CORO2A: variants seen among roughly 807,000 people sequenced by gnomAD.
CORO2A encodes coronin 2A.
CORO2A carries 47 observed loss-of-function variants against 62.4 expected under a neutral mutation model. The observed-to-expected ratio is 0.75, with a 90% CI of 0.60 to 0.96. The LOEUF is 0.96. Among genes scored for constraint, CORO2A ranks in the 40% least tolerant of loss-of-function variants. CORO2A has a pLI of 0.00. For missense variants in CORO2A, 610 were observed against 684.1 expected (o/e 0.89, Z 1.21); for synonymous variants, 273 against 268.9 (o/e 1.02, Z -0.15).
rs1827504928 is a variant in CORO2A, at chr9:98,137,631, C to T, written c.259G>A (p.Asp87Asn). ...TCATCAAAAGGGTTCCACTTGACAT[C>T]CAAAACGTTGCCTCTGTGCCCGCAG... ...KVCGHRGNVL[D>N]VKWNPFDDFE... The change falls in exon 3 of 12, where the codon GAT becomes AAT. Residue 87 changes from aspartate (D) to asparagine (N), a missense_variant. Physicochemically the swap from Asp to Asn is conservative, Grantham distance 23. Coordinates refer to ENST00000375077, the MANE Select transcript of CORO2A (RefSeq NM_052820.4). 1 of 1,614,126 alleles carries T rather than the reference C, an allele frequency of 6.2e-7. No homozygotes were observed. Among genetic ancestry groups the T allele is most frequent in the African/African-American group, 1.3e-5 (1 of 74,940 alleles).
rs549955792 is a variant in CORO2A, at chr9:98,130,906, C to T, written c.870+49G>A. On this transcript the variant is annotated intron_variant, in intron 7 of 11. Transcript: ENST00000375077. Reference sequence around the variant, plus strand: ...CCAATGGCCCCAGGCTGCTGTCTGCCGCTGTCTCAGGGGTCCAGGAGGTCA... The same window carrying T: ...CCAATGGCCCCAGGCTGCTGTCTGCTGCTGTCTCAGGGGTCCAGGAGGTCA... The T allele has an allele frequency of 1.1e-4, 157 of 1,482,958 alleles. 3 individuals carry two copies. The South Asian group carries it at 1.5e-3, about 14-fold the overall frequency. 91.9% of individuals were successfully genotyped at this position (1,482,958 alleles called of 1,614,324 possible).
chr9:98,138,232 TG>T (rs1827515136), intron 2 of CORO2A, among the ~76,000 whole-genome samples: 1 of 152,052 alleles, frequency 6.6e-6, no homozygotes, highest in African/African-American at 2.4e-5. Context: ...CTGGCCAACA[TG>T]GTGAAACCCT....
rs1221381809 is a variant in CORO2A at position 98,124,848 on chromosome 9, T to A, written c.1504A>T (p.Thr502Ser). 1 of 1,601,816 alleles carries A rather than the reference T, an allele frequency of 6.2e-7. No individual in the cohort carries two copies. Residue 502 changes from threonine (T) to serine (S), a missense_variant, in exon 12 of 12, where the codon ACC (threonine) becomes TCC (serine). Coordinates refer to ENST00000375077, the MANE Select transcript of CORO2A (RefSeq NM_052820.4). ...TGTTTGGCCTGGACCTCTCGCTGGG[T>A]CAACAGCTCCCGGAGCCTTCGGATC... is the stretch of plus-strand genomic sequence containing the variant. ...EEIRRLRELL[T>S]QREVQAKQLE...
Position 98,157,645 on chromosome 9 carries a change from G to A in CORO2A, c.16C>T (p.Gln6Ter), listed in dbSNP as rs1179109009. The change falls in exon 2 of 12, where the codon CAG becomes TAG. Residue 6 changes from glutamine to a stop codon, truncating the protein, a stop_gained. Coordinates refer to ENST00000375077, the MANE Select transcript of CORO2A (RefSeq NM_052820.4). LOFTEE classifies it high-confidence loss of function. MSWHP[Q>*]YRSSKFRHVF... is the part of the protein sequence containing the mutation. ...TGACGGAACTTGGAGCTCCGGTACTGGGGGTGCCATGACATCTGCAGGAGA... is the reference window on the plus strand; with the variant it reads ...TGACGGAACTTGGAGCTCCGGTACTAGGGGTGCCATGACATCTGCAGGAGA... 3 of 1,613,304 alleles carry A rather than the reference G, an allele frequency of 1.9e-6. No homozygotes were observed. Among genetic ancestry groups the A allele is most frequent in the Non-Finnish European group, 2.5e-6 (3 of 1,179,554 alleles).
chr9:98,131,484 C>T lies in CORO2A; in HGVS notation c.766-425G>A, dbSNP rs955688074. Reference sequence around the variant, plus strand: ...GGGATTATAGATATGCACCACTGCACCCCGCTGATTTTTTGCAGAGATGGG... The same window carrying T: ...GGGATTATAGATATGCACCACTGCATCCCGCTGATTTTTTGCAGAGATGGG... On this transcript the variant is annotated intron_variant, in intron 6 of 11. Coordinates refer to ENST00000375077, the MANE Select transcript of CORO2A (RefSeq NM_052820.4). Among the ~76,000 whole-genome samples the T allele has an allele frequency of 2.6e-5, 4 of 152,026 alleles. No homozygotes were observed. In the South Asian group the frequency reaches 6.2e-4, roughly 24 times the overall value.
intron 1 of CORO2A, among the ~76,000 whole-genome samples, chr9:98,170,287 G>A (rs1309106538): frequency 3.3e-5 from 5 of 152,052 alleles, no homozygotes; most frequent in African/African-American, 1.2e-4. Context: ...AGCCCTGTGG[G>A]TACCCAGGGG....
At chr9:98,152,785 A>G (rs1440727099) in intron 2 of CORO2A, among the ~76,000 whole-genome samples, 1 of 152,220 alleles carries the variant, frequency 6.6e-6, no homozygotes, top group Non-Finnish European at 1.5e-5. Flanking sequence ...CAATTTGGTA[A>G]GTCCAAATTT....
At chr9:98,173,945 C>T (rs1249847243) in intron 1 of CORO2A, among the ~76,000 whole-genome samples, 5 of 152,174 alleles carry the variant, frequency 3.3e-5, no homozygotes, top group East Asian at 3.9e-4. Flanking sequence ...GGAGAAACCC[C>T]GTCTTTACTA....
At chr9:98,158,552 C>A (rs914898266) in intron 1 of CORO2A, among the ~76,000 whole-genome samples, 1 of 152,254 alleles carries the variant, frequency 6.6e-6, no homozygotes, top group African/African-American at 2.4e-5. Context: ...TAGGCCTGAG[C>A]CCAGCCTTTA....
intron 3 of CORO2A, 90 bp downstream of exon 3, chr9:98,137,482 G>T: frequency 9.7e-7 from 1 of 1,028,680 alleles, no homozygotes; most frequent in Non-Finnish European, 1.5e-6. Flanking sequence ...GGAGTCAGGG[G>T]CACCAGAGCC....
Position 98,126,786 on chromosome 9 carries a change from C to T in CORO2A, c.1209G>A (p.Leu403=), listed in dbSNP as rs556860417. ...CTGCAGGCAGTGGGTGGGGTCTCAG[C>T]AGCTCAGAGCCAGGCCTAAGGGACA... The part of the protein sequence containing the change: ...ILVSLRPGSE[L]LRPHPLPAER... Residue 403 remains leucine, a synonymous_variant, in exon 11 of 12, where the codon CTG becomes CTA. Transcript: ENST00000375077. The T allele has an allele frequency of 2.9e-4, 466 of 1,614,198 alleles. 5 individuals carry two copies. In the South Asian group the frequency reaches 4.9e-3, roughly 17 times the overall value.
chr9:98,130,887 G>A (rs937953611), intron 7 of CORO2A, 68 bp downstream of exon 7: 1 of 1,309,330 alleles, frequency 7.6e-7, no homozygotes, highest in Non-Finnish European at 1.1e-6. Context: ...GTTCCCAATG[G>A]CCCCAGGCTG....
chr9:98,152,026 A>G (rs577652332), intron 2 of CORO2A, among the ~76,000 whole-genome samples: 8 of 151,810 alleles, frequency 5.3e-5, no homozygotes, highest in African/African-American at 1.7e-4. Context: ...CATGTTGGCC[A>G]GGCTGCTCTC....
At chr9:98,161,778 T>C (rs909253897) in intron 1 of CORO2A, among the ~76,000 whole-genome samples, 1 of 152,012 alleles carries the variant, frequency 6.6e-6, no homozygotes, top group African/African-American at 2.4e-5. Context: ...CCTGAGTGCA[T>C]GTGGCGGGCC....
chr9:98,174,805 A>G (rs747839679), intron 1 of CORO2A, among the ~76,000 whole-genome samples: 9 of 151,940 alleles, frequency 5.9e-5, no homozygotes, highest in Non-Finnish European at 1.0e-4. Flanking sequence ...AGTCAATTAA[A>G]CCTCTTTCCT....
rs192613431 is a variant in CORO2A, at chr9:98,132,322, G to A, written c.649-21C>T. 1.2e-4 allele frequency: 189 copies of A among 1,597,334 alleles called. 2 individuals carry two copies. In the East Asian group the frequency reaches 2.8e-3, roughly 24 times the overall value. On this transcript the variant is annotated intron_variant, in intron 5 of 11. Coordinates refer to ENST00000375077, the MANE Select transcript of CORO2A (RefSeq NM_052820.4). Reference sequence around the variant, plus strand: ...GCCTCCTGGAGGGACACGTGCGGTCGGTATTGGAGAGACAGTAGAGGATCG... The same window carrying A: ...GCCTCCTGGAGGGACACGTGCGGTCAGTATTGGAGAGACAGTAGAGGATCG...
chr9:98,168,077 C>A (rs910512033), intron 1 of CORO2A, among the ~76,000 whole-genome samples: 1 of 152,222 alleles, frequency 6.6e-6, no homozygotes, highest in Non-Finnish European at 1.5e-5. Flanking sequence ...CCCTGTCCAA[C>A]ACAGAACCTC....
chr9:98,163,348 C>A (rs777707829), intron 1 of CORO2A, among the ~76,000 whole-genome samples: 26 of 152,212 alleles, frequency 1.7e-4, no homozygotes, highest in Non-Finnish European at 1.6e-4. Flanking sequence ...TGCCACTGTG[C>A]CCCACTAATT....
intron 1 of CORO2A, among the ~76,000 whole-genome samples, chr9:98,162,101 C>T (rs1827894308): frequency 6.6e-6 from 1 of 152,204 alleles, no homozygotes; most frequent in Non-Finnish European, 1.5e-5. Context: ...TGCTACCTTG[C>T]TCCCCCGTTC....
Sources: allele counts gnomAD v4.1 joint callset (sites outside exome capture counted in the v4.1 genomes callset), GRCh38; gene constraint gnomAD v4.1.1; transcripts MANE v1.5; gene names NCBI Gene and HGNC (gene_info 2026-07-23, HGNC 2026-07-21).